The following PDE4B variants were observed in gnomAD, a reference collection of about 807,000 sequenced individuals.
PDE4B encodes 3',5'-cyclic-AMP phosphodiesterase 4B.
In PDE4B, 20 loss-of-function variants were observed where a neutral mutation model predicts 82.2. The observed-to-expected ratio is 0.24, with a 90% CI of 0.17 to 0.35. PDE4B has a LOEUF of 0.35. Ranked by LOEUF, PDE4B falls within the 10% of genes least tolerant of loss-of-function variation. The pLI is 1.00. For synonymous variants in PDE4B, 320 were observed against 318.9 expected (o/e 1.00, Z -0.04); for missense variants, 655 against 907.2 (o/e 0.72, Z 3.57).
intron 8 of PDE4B, chr1:66,354,942 T>C: frequency 6.7e-7 from 1 of 1,497,932 alleles, no homozygotes; most frequent in Non-Finnish European, 9.0e-7. Flanking sequence ...ATGTGAAACG[T>C]ACCTCTGTGT....
Position 65,800,230 on chromosome 1 carries a change from A to G in PDE4B, c.-71+6982A>G, listed in dbSNP as rs190766619. ...AATTACTTTTAAGCAGACTGCCTAT[A>G]TATACTTAAAGGAAGCTCCTATATA... is the stretch of plus-strand genomic sequence containing the variant. On this transcript the variant is annotated intron_variant, in intron 1 of 16. Coordinates refer to ENST00000341517, the MANE Select transcript of PDE4B (RefSeq NM_002600.4). Among the ~76,000 whole-genome samples the G allele has an allele frequency of 2.0e-3, 303 of 152,348 alleles. 3 individuals are homozygous for G. Among genetic ancestry groups the G allele is most frequent in the African/African-American group, 6.8e-3 (281 of 41,596 alleles).
At chr1:66,227,366 T>G (rs1651538577) in intron 3 of PDE4B, among the ~76,000 whole-genome samples, 1 of 152,218 alleles carries the variant, frequency 6.6e-6, no homozygotes, top group Non-Finnish European at 1.5e-5. Flanking sequence ...AGCAAAATTC[T>G]TAAGTTATCT....
chr1:66,289,531 A>G (rs557038819), intron 7 of PDE4B, among the ~76,000 whole-genome samples: 64 of 152,140 alleles, frequency 4.2e-4, no homozygotes, highest in Non-Finnish European at 6.8e-4. Context: ...TATATTTGAG[A>G]AAGAAGGCCG....
chr1:66,237,132 T>C (rs559994087), intron 3 of PDE4B, among the ~76,000 whole-genome samples: 11 of 152,346 alleles, frequency 7.2e-5, no homozygotes, highest in Non-Finnish European at 1.5e-4. Flanking sequence ...TTTCCACTTC[T>C]ACTTTCTCTG....
chr1:66,357,894 G>A (rs533886544), intron 9 of PDE4B, among the ~76,000 whole-genome samples: 1 of 152,190 alleles, frequency 6.6e-6, no homozygotes, highest in South Asian at 2.1e-4. Flanking sequence ...GTTTTGCTAA[G>A]ACATACCTGG....
intron 8 of PDE4B, among the ~76,000 whole-genome samples, chr1:66,339,070 G>A (rs564770088): frequency 2.9e-4 from 43 of 149,980 alleles, no homozygotes; most frequent in African/African-American, 9.8e-4. Flanking sequence ...TAATTTATAT[G>A]ATCATTCAAA....
At chr1:65,898,282 G>C (rs759479163) in intron 1 of PDE4B, among the ~76,000 whole-genome samples, 1 of 151,862 alleles carries the variant, frequency 6.6e-6, no homozygotes, top group Non-Finnish European at 1.5e-5. Flanking sequence ...TGGGGTTTCT[G>C]TTTACTCTGT....
intron 3 of PDE4B, among the ~76,000 whole-genome samples, chr1:66,018,113 C>A (rs1411492895): frequency 1.3e-5 from 2 of 152,008 alleles, no homozygotes; most frequent in Non-Finnish European, 2.9e-5. Context: ...CAGACGTTTC[C>A]ATCTAAAGAG....
intron 9 of PDE4B, 131 bp from the exon 10 acceptor site, chr1:66,361,484 G>A (rs990465238): frequency 1.5e-6 from 1 of 665,334 alleles, no homozygotes; most frequent in East Asian, 2.6e-5. Context: ...TAGAGATACA[G>A]TGAAATAGTG....
intron 7 of PDE4B, among the ~76,000 whole-genome samples, chr1:66,311,692 C>G (rs754259135): frequency 3.3e-5 from 5 of 152,220 alleles, no homozygotes; most frequent in Non-Finnish European, 7.3e-5. Flanking sequence ...TGCTCAAGTT[C>G]ATCTTTGGAA....
At chr1:66,167,055 A>G (rs1447001532) in intron 3 of PDE4B, among the ~76,000 whole-genome samples, 1 of 152,168 alleles carries the variant, frequency 6.6e-6, no homozygotes, top group Non-Finnish European at 1.5e-5. Context: ...CCGATAACAA[A>G]TGCTGGAGAG....
intron 6 of PDE4B, among the ~76,000 whole-genome samples, chr1:66,261,865 G>A (rs575799720): frequency 3.5e-4 from 54 of 152,248 alleles, no homozygotes; most frequent in South Asian, 2.9e-3. Context: ...TCAGATAAGC[G>A]TTCTTAAAGC....
intron 3 of PDE4B, among the ~76,000 whole-genome samples, chr1:66,111,749 C>A (rs772237461): frequency 1.3e-5 from 2 of 152,012 alleles, no homozygotes; most frequent in African/African-American, 4.8e-5. Context: ...ATCAGTGATA[C>A]GTTCTATAAG....
chr1:65,937,892 T>C (rs1648243751), intron 3 of PDE4B, among the ~76,000 whole-genome samples: 1 of 152,178 alleles, frequency 6.6e-6, no homozygotes, highest in East Asian at 1.9e-4. Flanking sequence ...ATAGATGATA[T>C]TCTCACTGTA....
At chr1:66,059,306 T>C (rs148555492) in intron 3 of PDE4B, among the ~76,000 whole-genome samples, 116 of 152,298 alleles carry the variant, frequency 7.6e-4, no homozygotes, top group African/African-American at 2.5e-3. Context: ...CACATTTTCT[T>C]GTCTTCTTCT....
At chr1:66,322,391 G>A (rs2101893931) in intron 7 of PDE4B, among the ~76,000 whole-genome samples, 1 of 152,226 alleles carries the variant, frequency 6.6e-6, no homozygotes, top group South Asian at 2.1e-4. Flanking sequence ...CCTACAGATT[G>A]GGAGAAAATC....
At chr1:66,364,894 G>A (rs1663117313) in intron 12 of PDE4B, among the ~76,000 whole-genome samples, 1 of 152,144 alleles carries the variant, frequency 6.6e-6, no homozygotes, top group Non-Finnish European at 1.5e-5. Context: ...TATAGGAGAG[G>A]TGGAAACCCA....
At chr1:66,009,602 G>A (rs925195587) in intron 3 of PDE4B, among the ~76,000 whole-genome samples, 1 of 152,054 alleles carries the variant, frequency 6.6e-6, no homozygotes, top group African/African-American at 2.4e-5. Flanking sequence ...CAGCCACACT[G>A]CTGCACTTGG....
chr1:66,095,184 T>C (rs1408431223), intron 3 of PDE4B, among the ~76,000 whole-genome samples: 1 of 151,972 alleles, frequency 6.6e-6, no homozygotes, highest in African/African-American at 2.4e-5. Flanking sequence ...AGAGTGTACA[T>C]AGACTTTTTG....
Sources: gnomAD v4.1 joint callset for allele counts (sites outside exome capture counted in the v4.1 genomes callset) on GRCh38, gnomAD v4.1.1 for gene constraint, MANE v1.5 for transcripts, NCBI Gene and HGNC (gene_info 2026-07-23, HGNC 2026-07-21) for gene names.